Variants in CCDC102A observed in about 807,000 individuals in gnomAD.
CCDC102A encodes the protein coiled-coil domain containing 102A.
In CCDC102A, 40 loss-of-function variants were observed where a neutral mutation model predicts 55.5. That is an observed-to-expected ratio of 0.72 (90% CI 0.56 to 0.94). The LOEUF is 0.94. Ranked by LOEUF, CCDC102A falls within the 40% of genes least tolerant of loss-of-function variation. The probability of loss-of-function intolerance (pLI) is 0.00; values close to 1 mark genes in which losing one functional copy is unlikely to be tolerated. For synonymous variants in CCDC102A, 323 were observed against 339.0 expected (o/e 0.95, Z 0.52); for missense variants, 779 against 768.6 (o/e 1.01, Z -0.16).
intron 3 of CCDC102A, among the ~76,000 whole-genome samples, chr16:57,525,492 A>C (rs1242995333): frequency 6.6e-6 from 1 of 152,098 alleles, no homozygotes; most frequent in Non-Finnish European, 1.5e-5. Context: ...AGACTCATTC[A>C]CATCCCCAGC....
Position 57,536,521 on chromosome 16 carries a change from TC to T in CCDC102A, c.-170del, listed in dbSNP as rs1280341077. The T allele has an allele frequency of 6.6e-6, 1 of 152,130 alleles. No individual in the cohort carries two copies. The highest frequency in any genetic ancestry group is 1.5e-5 in the Non-Finnish European group (1 of 68,056). The allele number at this position is 152,130 out of a possible 1,614,324, so 9.4% of individuals were successfully genotyped here. Reference sequence around the variant, plus strand: ...TCACCTCGGGCCGGGACTTGCGGGCTCCGTACGTCCCAGCCGCTGCGGCGGG... The same window carrying T: ...TCACCTCGGGCCGGGACTTGCGGGCTCGTACGTCCCAGCCGCTGCGGCGGG... On this transcript the variant is annotated 5_prime_UTR_variant, in exon 1 of 9. Coordinates refer to ENST00000258214, the MANE Select transcript of CCDC102A (RefSeq NM_033212.4).
intron 1 of CCDC102A, among the ~76,000 whole-genome samples, chr16:57,530,474 C>T (rs1252421788): frequency 6.6e-6 from 1 of 152,196 alleles, no homozygotes; most frequent in Non-Finnish European, 1.5e-5. Context: ...TCTGAGTGAT[C>T]AGTGTACTGT....
chr16:57,536,313 G>A (rs2032387020), intron 1 of CCDC102A, among the ~76,000 whole-genome samples, 187 bp downstream of exon 1: 1 of 152,124 alleles, frequency 6.6e-6, no homozygotes, highest in African/African-American at 2.4e-5. Flanking sequence ...GGGGGCTGAG[G>A]GAGGCCGGGG....
Position 57,512,269 on chromosome 16 carries a change from C to T in CCDC102A, c.*472G>A, listed in dbSNP as rs546227996. On this transcript the variant is annotated 3_prime_UTR_variant, in exon 9 of 9. Coordinates refer to ENST00000258214, the MANE Select transcript of CCDC102A (RefSeq NM_033212.4). The stretch of plus-strand genomic sequence containing the variant: ...GGCCGATGCCGTCCCCCACAACCCC[C>T]GCCCACATCTGCCATACTTTCAGAT... 4 of 397,046 alleles carry T rather than the reference C, an allele frequency of 1.0e-5. No homozygotes were observed. Among genetic ancestry groups the T allele is most frequent in the South Asian group, 2.8e-4 (2 of 7,180 alleles). 24.6% of individuals were successfully genotyped at this position (397,046 alleles called of 1,614,324 possible).
chr16:57,517,674 G>A (rs1480901609), intron 6 of CCDC102A, among the ~76,000 whole-genome samples: 8 of 152,128 alleles, frequency 5.3e-5, no homozygotes, highest in South Asian at 2.1e-4. Context: ...CACTGCCTCC[G>A]GGAGGTATTT....
chr16:57,536,474 C>A (rs188318329), intron 1 of CCDC102A, 26 bp downstream of exon 1: 2,128 of 152,262 alleles, frequency 0.014, 44 homozygotes, highest in African/African-American at 0.046. Context: ...TGGCCTGCCG[C>A]CCCCCGGCCT....
rs1291506001 is a variant in CCDC102A at position 57,536,540 on chromosome 16, G to A, written c.-188C>T. 2.0e-5 allele frequency: 3 copies of A among 152,212 alleles called. No homozygotes were observed. Among genetic ancestry groups the A allele is most frequent in the Admixed American group, 6.5e-5 (1 of 15,282 alleles). The allele number at this position is 152,212 out of a possible 1,614,324, so 9.4% of individuals were successfully genotyped here. A position where few individuals can be genotyped will look rare whatever the true frequency, so the allele number is the denominator to read the frequency against. Reference sequence around the variant, plus strand: ...GCGGGCTCCGTACGTCCCAGCCGCTGCGGCGGGGTAGAGCGGGCACCGTGC... The same window carrying A: ...GCGGGCTCCGTACGTCCCAGCCGCTACGGCGGGGTAGAGCGGGCACCGTGC... On this transcript the variant is annotated 5_prime_UTR_variant, in exon 1 of 9. Coordinates refer to ENST00000258214, the MANE Select transcript of CCDC102A (RefSeq NM_033212.4).
intron 3 of CCDC102A, among the ~76,000 whole-genome samples, chr16:57,524,065 C>A (rs1378726590): frequency 6.6e-6 from 1 of 152,136 alleles, no homozygotes; most frequent in Non-Finnish European, 1.5e-5. Context: ...GGATCCCACA[C>A]AGTGACGATG....
intron 8 of CCDC102A, among the ~76,000 whole-genome samples, chr16:57,513,144 G>A (rs764084245): frequency 5.9e-5 from 9 of 152,216 alleles, no homozygotes; most frequent in Non-Finnish European, 1.3e-4. Context: ...TGCCAGAGCA[G>A]CTGGGCGGTT....
intron 1 of CCDC102A, among the ~76,000 whole-genome samples, chr16:57,535,062 C>G (rs1033516541): frequency 6.6e-6 from 1 of 152,324 alleles, no homozygotes; most frequent in Admixed American, 6.5e-5. Context: ...CAGGTAGGGC[C>G]CTGGGACAAG....
At chr16:57,517,309 C>T (rs2031972125) in intron 6 of CCDC102A, among the ~76,000 whole-genome samples, 1 of 152,136 alleles carries the variant, frequency 6.6e-6, no homozygotes, top group Non-Finnish European at 1.5e-5. Context: ...CCGCACACTA[C>T]CAGTTAACGG....
In CCDC102A at chr16:57,516,265, G is replaced by GCTGCCC. The variant is rs761410469; in HGVS notation, c.1419+22_1419+27dup. 52 of 1,595,242 alleles carry GCTGCCC rather than the reference G, an allele frequency of 3.3e-5. No homozygotes were observed. The highest frequency in any genetic ancestry group is 4.2e-5 in the Non-Finnish European group (49 of 1,175,676). ...CACTCCTCCCTGGCCAAGGTCTGTTGCTGCCCCTGCCCCTCTGTGGTCCTC... is the reference window on the plus strand; with the variant it reads ...CACTCCTCCCTGGCCAAGGTCTGTTGCTGCCCCTGCCCCTGCCCCTCTGTGGTCCTC... On this transcript the variant is annotated intron_variant, in intron 7 of 8. Transcript: ENST00000258214. The surrounding 1 kb of genome is among the most constrained non-coding windows in gnomAD (Gnocchi z 4.4).
At chr16:57,513,794 T>C (rs914190183) in intron 8 of CCDC102A, among the ~76,000 whole-genome samples, 2 of 152,250 alleles carry the variant, frequency 1.3e-5, no homozygotes, top group Non-Finnish European at 2.9e-5. Flanking sequence ...CACAACACTT[T>C]ATGGGCGTCA....
At position 57,516,233 on chromosome 16, in the gene CCDC102A, C is replaced by G; in HGVS notation, c.1419+60G>C. 2.6e-6 allele frequency: 4 copies of G among 1,532,802 alleles called. No individual in the cohort carries two copies. Among genetic ancestry groups the G allele is most frequent in the Non-Finnish European group, 3.5e-6 (4 of 1,127,098 alleles). The allele number at this position is 1,532,802 out of a possible 1,614,324, so 95.0% of individuals were successfully genotyped here. On this transcript the variant is annotated intron_variant, in intron 7 of 8. Transcript: ENST00000258214. This position sits in a 1 kb window ranked among gnomAD's most constrained non-coding sequence, Gnocchi z 4.4. ...GAATGGAGAAGCCAGGATGGCCCTG[C>G]GGCCCCCACTCCTCCCTGGCCAAGG...
Position 57,528,673 on chromosome 16 carries a change from G to T in CCDC102A, c.505C>A (p.Gln169Lys). The change falls in exon 2 of 9, where the codon CAG becomes AAG. Residue 169 changes from glutamine (Q) to lysine (K), a missense_variant. By Grantham distance (53) the Gln-to-Lys change is moderately conservative. Transcript: ENST00000258214. ...TCCGGCTCGGGGCCGTCGCGCGTCTGGTCGGCGACCCCCCGGGCGCCCCTC... is the reference window on the plus strand; with the variant it reads ...TCCGGCTCGGGGCCGTCGCGCGTCTTGTCGGCGACCCCCCGGGCGCCCCTC... ...RLRGARGVADQTRDGPEPEAE... is the reference protein window; with the variant it reads ...RLRGARGVADKTRDGPEPEAE... 2.6e-6 allele frequency: 3 copies of T among 1,137,148 alleles called. No individual in the cohort carries two copies. Among genetic ancestry groups the T allele is most frequent in the Non-Finnish European group, 3.2e-6 (3 of 923,616 alleles). The allele number at this position is 1,137,148 out of a possible 1,614,324, so 70.4% of individuals were successfully genotyped here. A position where few individuals can be genotyped will look rare whatever the true frequency, so the allele number is the denominator to read the frequency against.
rs769835585 is a variant in CCDC102A, at chr16:57,518,694, A to G, written c.969T>C (p.Ser323=). The G allele has an allele frequency of 6.2e-7, 1 of 1,613,056 alleles. No homozygotes were observed. The highest frequency in any genetic ancestry group is 1.3e-5 in the African/African-American group (1 of 74,890). The change falls in exon 5 of 9, where the codon TCT becomes TCC. Residue 323 remains serine (S), a synonymous_variant. Transcript: ENST00000258214. The stretch of plus-strand genomic sequence containing the variant: ...CACCGAGCTCATCTTCCAGGTCCTC[A>G]GACATGCGGCCCAGCTCGTCCTGGT... ...EAHQDELGRM[S]EDLEDELGAR... is the part of the protein sequence containing the mutation.
chr16:57,524,575 T>TA (rs755245537), intron 3 of CCDC102A, among the ~76,000 whole-genome samples: 14 of 148,240 alleles, frequency 9.4e-5, no homozygotes, highest in African/African-American at 2.5e-4. Context: ...AGGCTCTGTC[T>TA]AAAAAAAATA....
At chr16:57,515,737 C>T (rs145572280) in intron 7 of CCDC102A, among the ~76,000 whole-genome samples, 32 of 151,898 alleles carry the variant, frequency 2.1e-4, no homozygotes, top group African/African-American at 7.5e-4. Flanking sequence ...TCGGACCATT[C>T]GTCCAGGGAG....
chr16:57,518,034 G>A, intron 6 of CCDC102A, 34 bp downstream of exon 6: 1 of 1,551,186 alleles, frequency 6.4e-7, no homozygotes, highest in Non-Finnish European at 8.7e-7. Flanking sequence ...GGAGGTGGCA[G>A]CCCCAGCACT....
Sources: allele counts gnomAD v4.1 joint callset (sites outside exome capture counted in the v4.1 genomes callset), GRCh38; gene constraint gnomAD v4.1.1; non-coding constraint Gnocchi (gnomAD v3.1); transcripts MANE v1.5; gene names NCBI Gene and HGNC (gene_info 2026-07-23, HGNC 2026-07-21).